Variants in GALNT13 observed in about 807,000 individuals in gnomAD.
GALNT13 encodes the protein UDP-GalNAc:polypeptide N-acetylgalactosaminyltransferase 13.
GALNT13 carries 28 observed loss-of-function variants against 64.2 expected under a neutral mutation model. That is an observed-to-expected ratio of 0.44 (90% confidence interval 0.32 to 0.60). The LOEUF (loss-of-function observed/expected upper bound fraction) is 0.60, where lower values mean the gene tolerates loss of function less well. Among genes scored for constraint, GALNT13 ranks in the 20% least tolerant of loss-of-function variants. GALNT13 has a pLI of 0.05. For synonymous variants in GALNT13, 214 were observed against 224.6 expected (o/e 0.95, Z 0.42); for missense variants, 577 against 669.8 (o/e 0.86, Z 1.53).
intron 4 of GALNT13, among the ~76,000 whole-genome samples, chr2:154,151,282 G>C (rs1358048388): frequency 6.6e-6 from 1 of 152,152 alleles, no homozygotes; most frequent in Admixed American, 6.5e-5. Context: ...AGATTGCACT[G>C]TGGTCTGAGA....
the GALNT13 span, among the ~76,000 whole-genome samples, chr2:153,866,208 G>T: frequency 1.5e-5 from 2 of 133,648 alleles, no homozygotes; most frequent in Non-Finnish European, 3.2e-5. Context: ...TATACCTAAT[G>T]CTAGATGACG....
chr2:154,152,049 G>A (rs1226571577), intron 4 of GALNT13, among the ~76,000 whole-genome samples: 1 of 152,168 alleles, frequency 6.6e-6, no homozygotes, highest in Non-Finnish European at 1.5e-5. Context: ...AATTTGGCAT[G>A]TTTTTGCAGT....
the GALNT13 span, among the ~76,000 whole-genome samples, chr2:153,491,427 A>G: frequency 6.6e-6 from 1 of 152,056 alleles, no homozygotes; most frequent in African/African-American, 2.4e-5. Context: ...ATTTCATTCA[A>G]AATCCTAAAG....
chr2:153,541,567 C>T, the GALNT13 span, among the ~76,000 whole-genome samples: 1 of 152,172 alleles, frequency 6.6e-6, no homozygotes, highest in Non-Finnish European at 1.5e-5. Flanking sequence ...TTACTCTAAC[C>T]TTCTCCCCTG....
the GALNT13 span, among the ~76,000 whole-genome samples, chr2:153,414,631 G>A: frequency 6.6e-6 from 1 of 151,470 alleles, no homozygotes; most frequent in Admixed American, 6.6e-5. Flanking sequence ...TGTATACAAA[G>A]GAATGGAATC....
the GALNT13 span, among the ~76,000 whole-genome samples, chr2:153,658,711 A>G: frequency 6.4e-4 from 97 of 152,134 alleles, no homozygotes; most frequent in Non-Finnish European, 1.3e-3. Flanking sequence ...TGGAGATTAC[A>G]TATGTTGTAT....
chr2:153,258,659 A>AT, the GALNT13 span, among the ~76,000 whole-genome samples: 2 of 150,972 alleles, frequency 1.3e-5, no homozygotes, highest in African/African-American at 2.4e-5. Flanking sequence ...TTTTTTTTCC[A>AT]TTTTTTCATT....
intron 3 of GALNT13, among the ~76,000 whole-genome samples, chr2:154,019,653 C>A (rs1054507807): frequency 2.1e-4 from 24 of 115,126 alleles, no homozygotes; most frequent in Non-Finnish European, 3.6e-4. Flanking sequence ...CACACACACA[C>A]AAAAGCAAGA....
chr2:153,170,134 T>G, the GALNT13 span, among the ~76,000 whole-genome samples: 1 of 152,204 alleles, frequency 6.6e-6, no homozygotes, highest in Non-Finnish European at 1.5e-5. Flanking sequence ...GAATATGTTT[T>G]TGTAGACTAT....
the GALNT13 span, among the ~76,000 whole-genome samples, chr2:153,549,532 T>C: frequency 6.6e-6 from 1 of 152,254 alleles, no homozygotes; most frequent in East Asian, 1.9e-4. Flanking sequence ...CAAGAGAAAT[T>C]GTGGCTTGCA....
the GALNT13 span, among the ~76,000 whole-genome samples, chr2:153,221,176 C>CT: frequency 5.3e-5 from 8 of 152,214 alleles, no homozygotes; most frequent in African/African-American, 1.9e-4. Flanking sequence ...GTCAGTATGG[C>CT]TTAAAAAACA....
chr2:153,670,784 C>T, the GALNT13 span, among the ~76,000 whole-genome samples: 1 of 152,230 alleles, frequency 6.6e-6, no homozygotes, highest in African/African-American at 2.4e-5. Context: ...TAACCCATTG[C>T]ATGGAAGCTA....
chr2:153,221,118 T>A, the GALNT13 span, among the ~76,000 whole-genome samples: 1 of 152,112 alleles, frequency 6.6e-6, no homozygotes. Context: ...AACCTGCACA[T>A]CCTGCACACG....
At chr2:154,396,783 T>A (rs1699074583) in intron 10 of GALNT13, among the ~76,000 whole-genome samples, 1 of 151,978 alleles carries the variant, frequency 6.6e-6, no homozygotes, top group African/African-American at 2.4e-5. Context: ...CTTGGTACTA[T>A]AACAAAAGTG....
chr2:153,507,512 C>A, the GALNT13 span, among the ~76,000 whole-genome samples: 2 of 152,144 alleles, frequency 1.3e-5, no homozygotes, highest in Admixed American at 6.5e-5. Flanking sequence ...ATCTCCTGAT[C>A]TCGTGATCCA....
At chr2:153,500,688 A>G in the GALNT13 span, among the ~76,000 whole-genome samples, 1 of 152,214 alleles carries the variant, frequency 6.6e-6, no homozygotes, top group African/African-American at 2.4e-5. Context: ...TCAAAGTCCT[A>G]TAGCTGATTA....
chr2:153,505,741 T>C, the GALNT13 span, among the ~76,000 whole-genome samples: 1 of 152,158 alleles, frequency 6.6e-6, no homozygotes, highest in African/African-American at 2.4e-5. Flanking sequence ...CATTTTGATT[T>C]TCTTAAATTT....
intron 8 of GALNT13, among the ~76,000 whole-genome samples, chr2:154,275,601 G>A (rs999255836): frequency 6.6e-6 from 1 of 152,180 alleles, no homozygotes; most frequent in African/African-American, 2.4e-5. Flanking sequence ...AGATGTCCAG[G>A]CAGAGGTATG....
chr2:154,046,990 T>C (rs149740056), intron 3 of GALNT13, among the ~76,000 whole-genome samples: 2,650 of 152,050 alleles, frequency 0.017, 38 homozygotes, highest in Non-Finnish European at 0.027. Context: ...TACTTTCTGG[T>C]GAGTAAGTTT....
Sources: gnomAD v4.1 joint callset for allele counts (sites outside exome capture counted in the v4.1 genomes callset) on GRCh38, gnomAD v4.1.1 for gene constraint, MANE v1.5 for transcripts, NCBI Gene and HGNC (gene_info 2026-07-23, HGNC 2026-07-21) for gene names.